HTT: variants seen among roughly 807,000 people sequenced by gnomAD.
HTT encodes huntingtin, also known as huntington disease protein.
In HTT, 104 loss-of-function variants were observed where a neutral mutation model predicts 362.3. That is an observed-to-expected ratio of 0.29 (90% confidence interval 0.24 to 0.34). HTT has a LOEUF of 0.34. Ranked by LOEUF, HTT falls within the 10% of genes least tolerant of loss-of-function variation. HTT has a pLI of 1.00. For synonymous variants in HTT, 1,577 were observed against 1,548.7 expected, an observed-to-expected ratio of 1.02 and a Z score of -0.43; for missense variants, 3,301 against 3,928.6, an observed-to-expected ratio of 0.84 and a Z score of 4.27.
chr4:3,191,314 C>T (rs959797839), intron 40 of HTT, among the ~76,000 whole-genome samples: 3 of 151,956 alleles, frequency 2.0e-5, no homozygotes, highest in East Asian at 1.9e-4. Flanking sequence ...GCTGGGATTA[C>T]GGGCATGCAC....
At chr4:3,145,690 A>G (rs1323852860) in intron 24 of HTT, among the ~76,000 whole-genome samples, 1 of 152,248 alleles carries the variant, frequency 6.6e-6, no homozygotes. Context: ...CATCTGGGAA[A>G]TAATTTCAAG....
At chr4:3,235,435 G>A (rs758558173) in intron 62 of HTT, 37 bp downstream of exon 62, 1 of 1,510,094 alleles carries the variant, frequency 6.6e-7, no homozygotes, top group Admixed American at 1.7e-5. Flanking sequence ...TGCACACGGG[G>A]AGTGGGCTTC....
At position 3,130,351 on chromosome 4, in the gene HTT, G is replaced by A. The variant is rs1401137515; in HGVS notation, c.1914G>A (p.Gln638=). The A allele has an allele frequency of 2.5e-6, 4 of 1,608,188 alleles. No homozygotes were observed. Among genetic ancestry groups the A allele is most frequent in the Non-Finnish European group, 3.4e-6 (4 of 1,176,250 alleles). The change falls in exon 14 of 67, where the codon CAG becomes CAA. Residue 638 remains glutamine (Q), a synonymous_variant. Transcript: ENST00000355072. Reference sequence around the variant, plus strand: ...TGAAAAACATGAGTCACTGCAGGCAGCCTTCTGACAGCAGTGTTGATAAAT... The same window carrying A: ...TGAAAAACATGAGTCACTGCAGGCAACCTTCTGACAGCAGTGTTGATAAAT... The part of the protein sequence containing the change: ...HLLKNMSHCR[Q]PSDSSVDKFV...
intron 37 of HTT, among the ~76,000 whole-genome samples, chr4:3,183,707 G>C (rs958912079): frequency 6.6e-6 from 1 of 152,138 alleles, no homozygotes; most frequent in African/African-American, 2.4e-5. Flanking sequence ...GTTTTAGAAT[G>C]GTGCCCTGGA....
At chr4:3,162,185 T>C (rs1046050203) in intron 29 of HTT, among the ~76,000 whole-genome samples, 1 of 152,254 alleles carries the variant, frequency 6.6e-6, no homozygotes, top group African/African-American at 2.4e-5. Flanking sequence ...AGGGAATCTT[T>C]TCCCCATTGC....
At chr4:3,226,973 C>T (rs1318304253) in intron 57 of HTT, among the ~76,000 whole-genome samples, 1 of 152,228 alleles carries the variant, frequency 6.6e-6, no homozygotes, top group Non-Finnish European at 1.5e-5. Flanking sequence ...GTGAAAATGA[C>T]CAATAGGATG....
chr4:3,149,283 C>T (rs1716761964), intron 26 of HTT, among the ~76,000 whole-genome samples: 1 of 151,202 alleles, frequency 6.6e-6, no homozygotes, highest in Non-Finnish European at 1.5e-5. Context: ...TAAGATAGAC[C>T]AGTTCACATA....
chr4:3,177,522 C>G (rs925790444), intron 34 of HTT, 135 bp downstream of exon 34: 9 of 593,078 alleles, frequency 1.5e-5, no homozygotes, highest in South Asian at 2.4e-5. Context: ...GACTAACATA[C>G]TGTGCATTTT....
Position 3,217,841 on chromosome 4 carries a change from T to A in HTT, c.7131T>A (p.Gly2377=). The change falls in exon 52 of 67, where the codon GGT becomes GGA. Residue 2377 remains glycine (G), a synonymous_variant. Transcript: ENST00000355072. ...CTCTGCAGTCGGTGTTGGCCTTGGG[T>A]CATAAAAGGAATAGCGGCGTGCCGG... ...VESLQSVLAL[G]HKRNSGVPAF... is the part of the protein sequence containing the mutation. 6.2e-7 allele frequency: 1 copy of A among 1,614,120 alleles called. No homozygotes were observed. Among genetic ancestry groups the A allele is most frequent in the Non-Finnish European group, 8.5e-7 (1 of 1,179,984 alleles).
intron 29 of HTT, among the ~76,000 whole-genome samples, chr4:3,170,215 G>A (rs1433053775): frequency 6.6e-6 from 1 of 152,112 alleles, no homozygotes. Flanking sequence ...GGTTAGTTGA[G>A]TTACATATAG....
At chr4:3,220,068 G>C (rs1720603822) in intron 52 of HTT, 114 bp from the exon 53 acceptor site, 5 of 1,164,104 alleles carry the variant, frequency 4.3e-6, no homozygotes, top group South Asian at 1.3e-5. Context: ...CTCTGGGACA[G>C]TGTTGGGGTA....
chr4:3,075,198 G>A (rs978468474), intron 1 of HTT, 110 bp downstream of exon 1: 2 of 1,053,848 alleles, frequency 1.9e-6, no homozygotes, highest in Non-Finnish European at 2.4e-6. Flanking sequence ...CGGCCCCGCA[G>A]AGACAGAGTG....
chr4:3,228,860 C>A lies in HTT; in HGVS notation c.7980-20C>A. 1 of 1,603,088 alleles carries A rather than the reference C, an allele frequency of 6.2e-7. No homozygotes were observed. On this transcript the variant is annotated intron_variant, in intron 58 of 66. Transcript: ENST00000355072. The surrounding 1 kb of genome is among the most constrained non-coding windows in gnomAD (Gnocchi z 4.3). ...CTCATCTCATGTACTTGGAAAATAC[C>A]CATCTCGCATATTCCACAGGAAACA...
At chr4:3,157,030 T>C (rs775056760) in intron 27 of HTT, 42 bp from the exon 28 acceptor site, 14 of 1,535,026 alleles carry the variant, frequency 9.1e-6, no homozygotes, top group Non-Finnish European at 9.7e-6. Context: ...TGGCAAGTTA[T>C]TTTGATCTAA....
rs751999232 is a variant in HTT at position 3,142,874 on chromosome 4, C to G, written c.3054C>G (p.Thr1018=). Reference sequence around the variant, plus strand: ...CTCATGAACTAATCACATCAACCACCAGAGCACTCACAGTAAGTCTCTTTC... The same window carrying G: ...CTCATGAACTAATCACATCAACCACGAGAGCACTCACAGTAAGTCTCTTTC... ...AVSHELITST[T]RALTFGCCEA... Residue 1018 remains threonine, a synonymous_variant, in exon 23 of 67, where the codon ACC becomes ACG. Coordinates refer to ENST00000355072, the MANE Select transcript of HTT (RefSeq NM_001388492.1). The G allele has an allele frequency of 1.2e-6, 2 of 1,612,776 alleles. No individual in the cohort carries two copies. Among genetic ancestry groups the G allele is most frequent in the Non-Finnish European group, 1.7e-6 (2 of 1,178,996 alleles).
intron 20 of HTT, 115 bp downstream of exon 20, chr4:3,136,082 T>C: frequency 2.2e-6 from 2 of 926,946 alleles, no homozygotes; most frequent in Non-Finnish European, 3.4e-6. Flanking sequence ...TATTTCACAG[T>C]TTATATCATG....
At chr4:3,079,001 TC>T (rs1712734424) in intron 1 of HTT, among the ~76,000 whole-genome samples, 1 of 152,130 alleles carries the variant, frequency 6.6e-6, no homozygotes, top group African/African-American at 2.4e-5. Flanking sequence ...TCCGCCCACC[TC>T]GGCCTCCCAA....
chr4:3,170,905 AT>A (rs1477322598), intron 29 of HTT, among the ~76,000 whole-genome samples: 1 of 152,114 alleles, frequency 6.6e-6, no homozygotes, highest in Non-Finnish European at 1.5e-5. Flanking sequence ...GTCTCACTCT[AT>A]TACATTAGAT....
rs547045558 is a variant in HTT at position 3,176,316 on chromosome 4, C to T, written c.4408-1016C>T. On this transcript the variant is annotated intron_variant, in intron 33 of 66. Transcript: ENST00000355072. Reference sequence around the variant, plus strand: ...TGCTGGGATGACAGGCGTGAGCCACCGCGCCCGGCCTGGGGTCTGCTTTTA... The same window carrying T: ...TGCTGGGATGACAGGCGTGAGCCACTGCGCCCGGCCTGGGGTCTGCTTTTA... 4.3e-4 allele frequency among the ~76,000 whole-genome samples: 66 copies of T among 152,266 alleles called. 1 individual carries two copies. The South Asian group carries it at 5.0e-3, about 11-fold the overall frequency.
Sources: allele counts gnomAD v4.1 joint callset (sites outside exome capture counted in the v4.1 genomes callset), GRCh38; gene constraint gnomAD v4.1.1; non-coding constraint Gnocchi (gnomAD v3.1); transcripts MANE v1.5; gene names NCBI Gene and HGNC (gene_info 2026-07-23, HGNC 2026-07-21).